The following CNBD1 variants were observed in gnomAD, a reference collection of about 807,000 sequenced individuals.
CNBD1 encodes cyclic nucleotide-binding domain-containing protein 1.
In CNBD1, 71 loss-of-function variants were observed where a neutral mutation model predicts 54.4. The observed-to-expected ratio is 1.30, with a 90% CI of 1.08 to 1.59. CNBD1 has a LOEUF of 1.59. CNBD1 is among the 40% of genes most tolerant of loss of function. CNBD1 has a pLI of 0.00. For missense variants in CNBD1, 659 were observed against 518.0 expected (o/e 1.27, Z -2.64); for synonymous variants, 182 against 170.7 (o/e 1.07, Z -0.51).
At chr8:87,285,666 T>C (rs962645284) in intron 7 of CNBD1, among the ~76,000 whole-genome samples, 1 of 151,834 alleles carries the variant, frequency 6.6e-6, no homozygotes, top group East Asian at 1.9e-4. Context: ...AGGTCGAGAG[T>C]TCGAGACCAG....
intron 4 of CNBD1, among the ~76,000 whole-genome samples, chr8:87,028,078 C>A (rs1238736473): frequency 6.6e-6 from 1 of 152,114 alleles, no homozygotes; most frequent in Non-Finnish European, 1.5e-5. Context: ...CAAGCATGTC[C>A]CCAAGTGTAT....
Position 86,944,941 on chromosome 8 carries a change from G to T in CNBD1, c.431+5187G>T, listed in dbSNP as rs112293749. ...GATTTTCTCTCTCTTTTTAAGACAT[G>T]AGCAGGACTGAACAGACAGTCCTTG... On this transcript the variant is annotated intron_variant, in intron 4 of 10. Transcript: ENST00000518476. Among the ~76,000 whole-genome samples the T allele has an allele frequency of 1.6e-4, 25 of 152,306 alleles. No homozygotes were observed. In the South Asian group the frequency reaches 5.2e-3, roughly 32 times the overall value.
chr8:86,905,112 G>T lies in CNBD1; in HGVS notation c.190G>T (p.Asp64Tyr), dbSNP rs10504829. ...TATGAGCAATATCTTATCAGCTCACGATACATTTATGAAGCAATATCCTAA... is the reference window on the plus strand; with the variant it reads ...TATGAGCAATATCTTATCAGCTCACTATACATTTATGAAGCAATATCCTAA... ...RSMSNILSAH[D>Y]TFMKQYPKVF... is the part of the protein sequence containing the mutation. The change falls in exon 3 of 11, where the codon GAT becomes TAT. Residue 64 changes from aspartate to tyrosine, a missense_variant. Coordinates refer to ENST00000518476, the MANE Select transcript of CNBD1 (RefSeq NM_173538.3). 6.2e-7 allele frequency: 1 copy of T among 1,611,350 alleles called. No homozygotes were observed. The highest frequency in any genetic ancestry group is 8.5e-7 in the Non-Finnish European group (1 of 1,178,300).
intron 6 of CNBD1, among the ~76,000 whole-genome samples, chr8:87,247,388 T>C (rs888480295): frequency 2.6e-5 from 4 of 152,186 alleles, no homozygotes; most frequent in African/African-American, 9.6e-5. Flanking sequence ...CCTGGCTGTG[T>C]CTCTTTCAAA....
chr8:87,348,859 A>G (rs1017937077), intron 8 of CNBD1, among the ~76,000 whole-genome samples: 1 of 152,208 alleles, frequency 6.6e-6, no homozygotes, highest in Non-Finnish European at 1.5e-5. Flanking sequence ...TGGGCGTATG[A>G]TAAACAACAG....
chr8:86,929,310 T>A (rs569503993), intron 3 of CNBD1, among the ~76,000 whole-genome samples: 1 of 152,354 alleles, frequency 6.6e-6, no homozygotes, highest in Non-Finnish European at 1.5e-5. Flanking sequence ...AGAAGCATAC[T>A]TGCTATCTGT....
At position 87,353,692 on chromosome 8, in the gene CNBD1, T is replaced by A; in HGVS notation, c.1209T>A (p.Gly403=). Residue 403 remains glycine (G), a synonymous_variant, in exon 10 of 11, where the codon GGT becomes GGA. Coordinates refer to ENST00000518476, the MANE Select transcript of CNBD1 (RefSeq NM_173538.3). ...MGKLKEKESF[G]EISVLLQVPF... Reference sequence around the variant, plus strand: ...AACTTAAGGAGAAGGAGTCCTTTGGTGAGATTAGCGTCCTTCTTCAAGTTC... The same window carrying A: ...AACTTAAGGAGAAGGAGTCCTTTGGAGAGATTAGCGTCCTTCTTCAAGTTC... 1 of 1,604,602 alleles carries A rather than the reference T, an allele frequency of 6.2e-7. No homozygotes were observed. Among genetic ancestry groups the A allele is most frequent in the Non-Finnish European group, 8.5e-7 (1 of 1,173,326 alleles).
chr8:86,953,858 C>G (rs1807690193), intron 4 of CNBD1, among the ~76,000 whole-genome samples: 1 of 151,834 alleles, frequency 6.6e-6, no homozygotes, highest in South Asian at 2.1e-4. Flanking sequence ...CAGAGCGAGA[C>G]TCTGTCTCAA....
At position 87,353,665 on chromosome 8, in the gene CNBD1, G is replaced by A; in HGVS notation, c.1182G>A (p.Gly394=). ...VKRSQKLVYM[G]KLKEKESFGE... ...GATCTCAAAAACTTGTTTATATGGG[G>A]AAACTTAAGGAGAAGGAGTCCTTTG... The change falls in exon 10 of 11, where the codon GGG becomes GGA. Residue 394 remains glycine (G), a synonymous_variant. Transcript: ENST00000518476. 1 of 1,597,176 alleles carries A rather than the reference G, an allele frequency of 6.3e-7. No individual in the cohort carries two copies. Among genetic ancestry groups the A allele is most frequent in the Non-Finnish European group, 8.5e-7 (1 of 1,173,122 alleles).
At chr8:87,205,941 T>A in intron 4 of CNBD1, 52 bp from the exon 5 acceptor site, 3 of 1,353,000 alleles carry the variant, frequency 2.2e-6, no homozygotes, top group Non-Finnish European at 2.9e-6. Context: ...TCTGTTTGTT[T>A]CTTTGCATTT....
intron 6 of CNBD1, among the ~76,000 whole-genome samples, chr8:87,279,789 A>G (rs1808559293): frequency 6.6e-6 from 1 of 151,230 alleles, no homozygotes; most frequent in Admixed American, 6.6e-5. Flanking sequence ...AATGCTTTAT[A>G]TTACCTTTTC....
chr8:87,201,518 A>T (rs1813861433), intron 4 of CNBD1, among the ~76,000 whole-genome samples: 1 of 152,200 alleles, frequency 6.6e-6, no homozygotes, highest in Non-Finnish European at 1.5e-5. Context: ...TAATAAACAC[A>T]TTCAGCAGTG....
intron 8 of CNBD1, among the ~76,000 whole-genome samples, chr8:87,328,316 T>C (rs2130907399): frequency 6.6e-6 from 1 of 152,184 alleles, no homozygotes; most frequent in African/African-American, 2.4e-5. Flanking sequence ...CTTTTTATTA[T>C]GTTTAGTCTT....
chr8:87,312,526 T>C (rs1159878232), intron 8 of CNBD1, among the ~76,000 whole-genome samples: 1 of 152,042 alleles, frequency 6.6e-6, no homozygotes, highest in African/African-American at 2.4e-5. Flanking sequence ...TGACATTGCT[T>C]TTATAAAGAG....
intron 4 of CNBD1, among the ~76,000 whole-genome samples, chr8:87,099,334 A>G (rs1368799545): frequency 6.6e-6 from 1 of 152,134 alleles, no homozygotes; most frequent in African/African-American, 2.4e-5. Flanking sequence ...TAAAGACTTA[A>G]ACTTTTACTG....
rs376681938 is a variant in CNBD1 at position 87,071,688 on chromosome 8, T to C, written c.431+131934T>C. Reference sequence around the variant, plus strand: ...ACTGTGGTTTGAGAGACTGTTGTTATTTCAGTTCTTTTGCAGTTGCTGAGG... The same window carrying C: ...ACTGTGGTTTGAGAGACTGTTGTTACTTCAGTTCTTTTGCAGTTGCTGAGG... On this transcript the variant is annotated intron_variant, in intron 4 of 10. Coordinates refer to ENST00000518476, the MANE Select transcript of CNBD1 (RefSeq NM_173538.3). 8.5e-5 allele frequency among the ~76,000 whole-genome samples: 13 copies of C among 152,244 alleles called. 1 individual carries two copies. Among genetic ancestry groups the C allele is most frequent in the African/African-American group, 2.9e-4 (12 of 41,562 alleles).
chr8:87,307,666 A>T (rs977177529), intron 8 of CNBD1, among the ~76,000 whole-genome samples: 2 of 151,560 alleles, frequency 1.3e-5, no homozygotes. Context: ...TGAACCTGGG[A>T]GGTGGAGGTT....
intron 4 of CNBD1, among the ~76,000 whole-genome samples, chr8:87,003,902 G>T (rs1344906614): frequency 1.3e-5 from 2 of 152,080 alleles, no homozygotes; most frequent in African/African-American, 4.8e-5. Context: ...CCTTTCTCTT[G>T]TACTCTAGTC....
chr8:87,010,261 A>G (rs1809188604), intron 4 of CNBD1, among the ~76,000 whole-genome samples: 1 of 152,040 alleles, frequency 6.6e-6, no homozygotes, highest in African/African-American at 2.4e-5. Flanking sequence ...ATGTATAGAC[A>G]ATGGTTCATG....
Sources: gnomAD v4.1 joint callset for allele counts (sites outside exome capture counted in the v4.1 genomes callset) on GRCh38, gnomAD v4.1.1 for gene constraint, MANE v1.5 for transcripts, NCBI Gene and HGNC (gene_info 2026-07-23, HGNC 2026-07-21) for gene names.